Variants in GRB10 observed in about 807,000 individuals in gnomAD.
GRB10 encodes growth factor receptor bound protein 10.
GRB10 carries 20 observed loss-of-function variants against 80.9 expected under a neutral mutation model. The ratio of observed to expected loss-of-function variants is 0.25; its 90% CI spans 0.17 to 0.36. GRB10 has a LOEUF of 0.36. Among genes scored for constraint, GRB10 ranks in the 10% least tolerant of loss-of-function variants. The pLI, the probability that GRB10 is intolerant of heterozygous loss-of-function variation, is 1.00. For synonymous variants in GRB10, 291 were observed against 291.5 expected, an observed-to-expected ratio of 1.00 and a Z score of 0.02; for missense variants, 548 against 747.7, an observed-to-expected ratio of 0.73 and a Z score of 3.12.
chr7:50,650,034 GAGA>G (rs2153615829), intron 7 of GRB10, among the ~76,000 whole-genome samples: 1 of 152,300 alleles, frequency 6.6e-6, no homozygotes, highest in African/African-American at 2.4e-5. Context: ...GTCTCTCAGA[GAGA>G]AGACCACTAG....
At chr7:50,652,098 C>T (rs536310846) in intron 7 of GRB10, among the ~76,000 whole-genome samples, 19 of 152,320 alleles carry the variant, frequency 1.2e-4, no homozygotes, top group African/African-American at 4.6e-4. Flanking sequence ...TTTTCAAAAA[C>T]CTAGATGTAA....
chr7:50,693,498 G>T (rs908342052), intron 5 of GRB10, among the ~76,000 whole-genome samples: 1 of 152,176 alleles, frequency 6.6e-6, no homozygotes, highest in African/African-American at 2.4e-5. Context: ...TCAGAAAACA[G>T]CCGTAATGGG....
intron 5 of GRB10, among the ~76,000 whole-genome samples, chr7:50,687,376 T>A (rs1272528573): frequency 6.6e-6 from 1 of 152,144 alleles, no homozygotes; most frequent in African/African-American, 2.4e-5. Flanking sequence ...GGAGTGACAC[T>A]CAACAAGCCC....
intron 7 of GRB10, among the ~76,000 whole-genome samples, chr7:50,634,698 T>C (rs1379741363): frequency 1.3e-5 from 2 of 152,156 alleles, no homozygotes; most frequent in Admixed American, 1.3e-4. Context: ...TGGAAAAATA[T>C]ATATCATGCA....
intron 7 of GRB10, among the ~76,000 whole-genome samples, chr7:50,660,163 C>A (rs904235062): frequency 2.0e-5 from 3 of 152,126 alleles, no homozygotes; most frequent in Non-Finnish European, 4.4e-5. Context: ...GGCACAGCTG[C>A]GGTGCCGTGT....
At chr7:50,723,156 G>A (rs2153686305) in intron 4 of GRB10, among the ~76,000 whole-genome samples, 1 of 152,206 alleles carries the variant, frequency 6.6e-6, no homozygotes, top group Admixed American at 6.5e-5. Context: ...ACAATACCAA[G>A]TAGCTTTTTT....
intron 8 of GRB10, among the ~76,000 whole-genome samples, chr7:50,626,517 A>T (rs1418828478): frequency 6.6e-6 from 1 of 152,212 alleles, no homozygotes; most frequent in African/African-American, 2.4e-5. Context: ...GTGTGCAGCA[A>T]GCTCCATGTG....
intron 5 of GRB10, among the ~76,000 whole-genome samples, chr7:50,685,987 A>G (rs551954199): frequency 6.6e-6 from 1 of 152,166 alleles, no homozygotes; most frequent in Non-Finnish European, 1.5e-5. Context: ...GGGGCCACCT[A>G]GGAACTTCTG....
At chr7:50,656,490 T>C (rs2058662811) in intron 7 of GRB10, among the ~76,000 whole-genome samples, 1 of 152,238 alleles carries the variant, frequency 6.6e-6, no homozygotes, top group Non-Finnish European at 1.5e-5. Flanking sequence ...TCTTCCTTCA[T>C]CCCTGTCACT....
At chr7:50,602,312 T>C (rs2047750834) in intron 17 of GRB10, among the ~76,000 whole-genome samples, 1 of 152,136 alleles carries the variant, frequency 6.6e-6, no homozygotes, top group African/African-American at 2.4e-5. Context: ...ACGGGGACGG[T>C]AGCCTTGGTG....
intron 3 of GRB10, among the ~76,000 whole-genome samples, chr7:50,752,984 T>C (rs2074400068): frequency 6.6e-6 from 1 of 152,114 alleles, no homozygotes; most frequent in Admixed American, 6.5e-5. Flanking sequence ...TTGGGACCAT[T>C]TGAGTATTTC....
intron 17 of GRB10, among the ~76,000 whole-genome samples, chr7:50,596,045 G>C (rs1032893024): frequency 6.6e-6 from 1 of 152,112 alleles, no homozygotes; most frequent in Admixed American, 6.5e-5. Flanking sequence ...GAGAATGTCA[G>C]CCAATAAATA....
chr7:50,716,544 T>C (rs946216594), intron 4 of GRB10, among the ~76,000 whole-genome samples: 1 of 152,208 alleles, frequency 6.6e-6, no homozygotes, highest in Non-Finnish European at 1.5e-5. Flanking sequence ...CAGCAGGCGA[T>C]ATATTAAAAT....
At chr7:50,607,058 T>C (rs1487884372) in intron 13 of GRB10, 1 of 153,834 alleles carries the variant, frequency 6.5e-6, no homozygotes, top group East Asian at 1.9e-4. Context: ...ATTTTTTTAC[T>C]ACAACATGCA....
chr7:50,752,136 G>A (rs1003834854), intron 3 of GRB10, among the ~76,000 whole-genome samples: 1 of 152,090 alleles, frequency 6.6e-6, no homozygotes, highest in African/African-American at 2.4e-5. Flanking sequence ...CCCCACGTGA[G>A]GCAGAAACAA....
intron 3 of GRB10, among the ~76,000 whole-genome samples, chr7:50,736,467 C>T (rs1292992594): frequency 1.3e-5 from 2 of 152,086 alleles, no homozygotes; most frequent in Non-Finnish European, 2.9e-5. Flanking sequence ...CAAGACCATT[C>T]GCTGAGGAAA....
intron 4 of GRB10, among the ~76,000 whole-genome samples, chr7:50,720,936 G>A (rs76659849): frequency 0.013 from 2,054 of 152,218 alleles, 50 homozygotes; most frequent in African/African-American, 0.046. Context: ...GAAGCTGCAC[G>A]GCACCCAAAT....
chr7:50,766,039 G>A (rs541823163), intron 2 of GRB10, among the ~76,000 whole-genome samples: 1 of 152,274 alleles, frequency 6.6e-6, no homozygotes, highest in South Asian at 2.1e-4. Flanking sequence ...CTCAAAGGAG[G>A]GCCATGAGAA....
chr7:50,771,212 T>C (rs982420482), intron 2 of GRB10, among the ~76,000 whole-genome samples: 23 of 152,184 alleles, frequency 1.5e-4, no homozygotes, highest in African/African-American at 5.5e-4. Flanking sequence ...TGAACATCAC[T>C]GGCCAGAAAC....
Sources: gnomAD v4.1 joint callset for allele counts (sites outside exome capture counted in the v4.1 genomes callset) on GRCh38, gnomAD v4.1.1 for gene constraint, MANE v1.5 for transcripts, NCBI Gene and HGNC (gene_info 2026-07-23, HGNC 2026-07-21) for gene names.